XKR9: variants seen among roughly 807,000 people sequenced by gnomAD.
XKR9 encodes XK related 9.
In XKR9, 32 loss-of-function variants were observed where a neutral mutation model predicts 32.0. That is an observed-to-expected ratio of 1.00 (90% confidence interval 0.76 to 1.34). XKR9 has a LOEUF of 1.34. XKR9 is among the 40% of genes most tolerant of loss of function. The probability of loss-of-function intolerance (pLI) is 0.00; values close to 1 mark genes in which losing one functional copy is unlikely to be tolerated. For synonymous variants in XKR9, 168 were observed against 143.4 expected, an observed-to-expected ratio of 1.17 and a Z score of -1.22; for missense variants, 546 against 429.7, an observed-to-expected ratio of 1.27 and a Z score of -2.39.
intron 2 of XKR9, among the ~76,000 whole-genome samples, chr8:70,741,272 A>G (rs944953355): frequency 6.6e-6 from 1 of 152,170 alleles, no homozygotes; most frequent in Non-Finnish European, 1.5e-5. Context: ...TTTTATGAGA[A>G]GAGGAAGAGA....
the XKR9 span, among the ~76,000 whole-genome samples, chr8:70,907,491 T>C: frequency 6.6e-6 from 1 of 152,192 alleles, no homozygotes; most frequent in Admixed American, 6.5e-5. Flanking sequence ...TTTAGAATTC[T>C]GCCCACTTTC....
At chr8:70,884,935 G>A in the XKR9 span, among the ~76,000 whole-genome samples, 1 of 152,122 alleles carries the variant, frequency 6.6e-6, no homozygotes, top group South Asian at 2.1e-4. Flanking sequence ...GATTTTGATT[G>A]TGATTGCATT....
chr8:71,007,443 C>T, the XKR9 span, among the ~76,000 whole-genome samples: 1 of 151,814 alleles, frequency 6.6e-6, no homozygotes, highest in Admixed American at 6.6e-5. Context: ...GGAATAAGAA[C>T]CCTGTAAACA....
chr8:70,930,012 C>T, the XKR9 span, among the ~76,000 whole-genome samples: 32 of 152,244 alleles, frequency 2.1e-4, no homozygotes, highest in African/African-American at 7.5e-4. Flanking sequence ...CTAATTTTGA[C>T]CAGGTTTGAT....
chr8:70,736,969 A>G (rs1806874363), downstream of XKR9, among the ~76,000 whole-genome samples: 1 of 152,020 alleles, frequency 6.6e-6, no homozygotes. Flanking sequence ...TTGGTTCCAT[A>G]TGAACTTTAA....
At chr8:70,834,332 T>A in the XKR9 span, among the ~76,000 whole-genome samples, 1 of 152,130 alleles carries the variant, frequency 6.6e-6, no homozygotes. Flanking sequence ...ATAGCAGTAT[T>A]TATTCTTTCT....
chr8:70,966,316 T>A, the XKR9 span, among the ~76,000 whole-genome samples: 2 of 152,094 alleles, frequency 1.3e-5, no homozygotes, highest in Non-Finnish European at 2.9e-5. Flanking sequence ...TGGCGCAATT[T>A]CGGCTCACTA....
At chr8:70,767,538 G>A (rs1206473737) in intron 2 of XKR9, among the ~76,000 whole-genome samples, 7 of 120,416 alleles carry the variant, frequency 5.8e-5, no homozygotes, top group South Asian at 2.6e-4. Flanking sequence ...TCGCTCTGTC[G>A]CCCAGACTGG....
At chr8:71,046,662 G>A in the XKR9 span, among the ~76,000 whole-genome samples, 1 of 152,124 alleles carries the variant, frequency 6.6e-6, no homozygotes, top group Admixed American at 6.5e-5. Flanking sequence ...TACCTGTATG[G>A]TTTTTTCTTA....
chr8:70,939,206 C>A, the XKR9 span, among the ~76,000 whole-genome samples: 1 of 152,030 alleles, frequency 6.6e-6, no homozygotes, highest in Non-Finnish European at 1.5e-5. Context: ...CATCTTGTAC[C>A]TGCAGACAGG....
chr8:71,026,463 T>C, the XKR9 span, among the ~76,000 whole-genome samples: 4 of 152,168 alleles, frequency 2.6e-5, no homozygotes, highest in Non-Finnish European at 5.9e-5. Context: ...TTTATTCCAG[T>C]AGGAAGCAAG....
intron 2 of XKR9, among the ~76,000 whole-genome samples, chr8:70,771,255 C>G (rs1318249092): frequency 6.6e-6 from 1 of 152,188 alleles, no homozygotes; most frequent in Non-Finnish European, 1.5e-5. Flanking sequence ...ACTGCTTAAC[C>G]AGTCCCAATG....
chr8:70,892,326 G>C, the XKR9 span, among the ~76,000 whole-genome samples: 2 of 151,946 alleles, frequency 1.3e-5, no homozygotes, highest in South Asian at 4.1e-4. Context: ...CATATATTTT[G>C]TTCTTTTGTT....
chr8:71,040,380 A>G, the XKR9 span, among the ~76,000 whole-genome samples: 2 of 152,196 alleles, frequency 1.3e-5, no homozygotes, highest in South Asian at 4.1e-4. Context: ...TGCCGTTTTT[A>G]TTGGTCGAAA....
intron 4 of XKR9, among the ~76,000 whole-genome samples, chr8:70,716,747 A>G (rs563097246): frequency 1.1e-4 from 17 of 152,296 alleles, no homozygotes; most frequent in African/African-American, 3.8e-4. Context: ...CTCACATTTC[A>G]AAACACAATC....
At chr8:70,810,405 A>G in the XKR9 span, among the ~76,000 whole-genome samples, 9,576 of 152,302 alleles carry the variant, frequency 0.063, 425 homozygotes, top group Non-Finnish European at 0.089. Flanking sequence ...TAACCAGCTA[A>G]CATCATAATG....
At chr8:70,739,551 T>C (rs1007265826), downstream of XKR9, among the ~76,000 whole-genome samples, 10 of 152,210 alleles carry the variant, frequency 6.6e-5, no homozygotes, top group Admixed American at 4.6e-4. Context: ...TGATGCAGTT[T>C]CTTCCTAGCC....
chr8:70,730,805 T>C (rs1238465891), intron 4 of XKR9, among the ~76,000 whole-genome samples: 1 of 152,176 alleles, frequency 6.6e-6, no homozygotes, highest in African/African-American at 2.4e-5. Flanking sequence ...CATTGAGCAG[T>C]TTCTATTGCT....
At chr8:70,716,341 G>T (rs534215333) in intron 4 of XKR9, among the ~76,000 whole-genome samples, 2 of 152,248 alleles carry the variant, frequency 1.3e-5, no homozygotes, top group South Asian at 4.2e-4. Flanking sequence ...AGGTGTATTA[G>T]TCCATTCTCA....
Sources: allele counts gnomAD v4.1 joint callset (sites outside exome capture counted in the v4.1 genomes callset), GRCh38; gene constraint gnomAD v4.1.1; transcripts MANE v1.5; gene names NCBI Gene and HGNC (gene_info 2026-07-23, HGNC 2026-07-21).